KCNIP4: variants seen among roughly 807,000 people sequenced by gnomAD.
KCNIP4 encodes potassium voltage-gated channel interacting protein 4.
In KCNIP4, 12 loss-of-function variants were observed where a neutral mutation model predicts 34.0. That is an observed-to-expected ratio of 0.35 (90% confidence interval 0.23 to 0.57). The LOEUF (loss-of-function observed/expected upper bound fraction) is 0.57. Among genes scored for constraint, KCNIP4 ranks in the 20% least tolerant of loss-of-function variants. The pLI is 0.83. For synonymous variants in KCNIP4, 124 were observed against 102.2 expected (o/e 1.21, Z -1.29); for missense variants, 238 against 311.7 (o/e 0.76, Z 1.78).
At chr4:21,682,811 C>T (rs1414897610) in intron 1 of KCNIP4, among the ~76,000 whole-genome samples, 2 of 152,168 alleles carry the variant, frequency 1.3e-5, no homozygotes, top group African/African-American at 2.4e-5. Flanking sequence ...GCAGTCAGAA[C>T]ACACACAACA....
intron 1 of KCNIP4, among the ~76,000 whole-genome samples, chr4:21,491,209 C>T (rs1031247145): frequency 3.2e-4 from 49 of 151,918 alleles, no homozygotes; most frequent in Admixed American, 1.4e-3. Context: ...GGTATGGTTT[C>T]GTGAATAAAT....
chr4:21,218,136 C>T lies in KCNIP4; in HGVS notation c.62-335427G>A, dbSNP rs183831224. Among the ~76,000 whole-genome samples, 665 of 151,976 alleles carry T rather than the reference C, an allele frequency of 4.4e-3. 3 individuals carry two copies. Among genetic ancestry groups the T allele is most frequent in the African/African-American group, 0.016 (645 of 41,464 alleles). On this transcript the variant is annotated intron_variant, in intron 1 of 8. Transcript: ENST00000382152. The stretch of plus-strand genomic sequence containing the variant: ...GTTCAAGTGATTCTCCTGCCTCAGT[C>T]TCCCGAGTAGCTGGAATTACAGGCA...
At chr4:21,453,661 A>T (rs1167496639) in intron 1 of KCNIP4, among the ~76,000 whole-genome samples, 1 of 152,026 alleles carries the variant, frequency 6.6e-6, no homozygotes, top group African/African-American at 2.4e-5. Context: ...GGGCACTGAG[A>T]CCCCAAAGAA....
chr4:21,106,778 A>G (rs1227635412), intron 1 of KCNIP4, among the ~76,000 whole-genome samples: 2 of 151,198 alleles, frequency 1.3e-5, no homozygotes, highest in African/African-American at 2.5e-5. Context: ...AATGTGTCCC[A>G]GAGATTCTGG....
intron 1 of KCNIP4, among the ~76,000 whole-genome samples, chr4:21,663,816 T>C (rs573405429): frequency 6.6e-6 from 1 of 152,348 alleles, no homozygotes; most frequent in South Asian, 2.1e-4. Context: ...CAAAATCTCA[T>C]TCTCACAACA....
At chr4:21,007,973 C>A (rs1362681697) in intron 1 of KCNIP4, among the ~76,000 whole-genome samples, 2 of 152,136 alleles carry the variant, frequency 1.3e-5, no homozygotes, top group Non-Finnish European at 2.9e-5. Flanking sequence ...CCTAATGAGC[C>A]TCCCATTTCA....
chr4:21,223,819 A>T (rs1471938272), intron 1 of KCNIP4, among the ~76,000 whole-genome samples: 3 of 152,058 alleles, frequency 2.0e-5, no homozygotes, highest in Non-Finnish European at 2.9e-5. Flanking sequence ...TTGGTATCAC[A>T]GTTTTTAATT....
intron 1 of KCNIP4, among the ~76,000 whole-genome samples, chr4:21,263,979 G>A (rs1380320355): frequency 6.6e-6 from 1 of 151,896 alleles, no homozygotes; most frequent in African/African-American, 2.4e-5. Context: ...GTGTGTGTGT[G>A]TGTGTGTGTG....
chr4:21,472,382 G>A (rs969802320), intron 1 of KCNIP4, among the ~76,000 whole-genome samples: 1 of 152,088 alleles, frequency 6.6e-6, no homozygotes. Flanking sequence ...AGTCCCCCCA[G>A]AGTGCTCACA....
At chr4:20,835,772 C>T (rs1718968103) in intron 3 of KCNIP4, among the ~76,000 whole-genome samples, 2 of 152,048 alleles carry the variant, frequency 1.3e-5, no homozygotes. Flanking sequence ...TCTCACTCAA[C>T]AATTTCCCCC....
intron 1 of KCNIP4, among the ~76,000 whole-genome samples, chr4:21,778,752 C>T (rs758947097): frequency 6.6e-6 from 1 of 152,032 alleles, no homozygotes; most frequent in Non-Finnish European, 1.5e-5. Flanking sequence ...TGATATGATA[C>T]AAGTATACTC....
intron 1 of KCNIP4, among the ~76,000 whole-genome samples, chr4:21,585,226 T>C (rs1334413700): frequency 6.6e-6 from 1 of 152,018 alleles, no homozygotes; most frequent in Non-Finnish European, 1.5e-5. Context: ...ATCCTCTGCA[T>C]GAGGATACTG....
chr4:21,759,598 A>AC (rs1207116185), intron 1 of KCNIP4, among the ~76,000 whole-genome samples: 2 of 152,088 alleles, frequency 1.3e-5, no homozygotes, highest in Admixed American at 6.6e-5. Flanking sequence ...TATGTCTTTG[A>AC]CCCTGAGATC....
chr4:21,315,709 G>C (rs1004828385), intron 1 of KCNIP4, among the ~76,000 whole-genome samples: 4 of 152,114 alleles, frequency 2.6e-5, no homozygotes, highest in Non-Finnish European at 5.9e-5. Flanking sequence ...CCAGAATCTA[G>C]GGCCATGTCT....
chr4:21,220,668 T>C (rs1757926779), intron 1 of KCNIP4, among the ~76,000 whole-genome samples: 1 of 152,144 alleles, frequency 6.6e-6, no homozygotes, highest in Non-Finnish European at 1.5e-5. Context: ...GAGCCTAGAA[T>C]TCCCAGAGGT....
At chr4:21,347,038 A>C (rs1717504464) in intron 1 of KCNIP4, among the ~76,000 whole-genome samples, 1 of 152,180 alleles carries the variant, frequency 6.6e-6, no homozygotes, top group East Asian at 1.9e-4. Flanking sequence ...AGTTAGAAAC[A>C]CATGGATTAA....
chr4:21,645,522 T>G (rs1340055606), intron 1 of KCNIP4, among the ~76,000 whole-genome samples: 1 of 152,182 alleles, frequency 6.6e-6, no homozygotes. Context: ...TTACAAAACC[T>G]TGAAATACTT....
intron 1 of KCNIP4, among the ~76,000 whole-genome samples, chr4:21,493,524 C>T (rs147357035): frequency 6.6e-6 from 1 of 152,308 alleles, no homozygotes; most frequent in Non-Finnish European, 1.5e-5. Context: ...CTCCTACAAA[C>T]ATTTTTAAGG....
chr4:21,029,224 A>T (rs1030322558), intron 1 of KCNIP4, among the ~76,000 whole-genome samples: 2 of 152,196 alleles, frequency 1.3e-5, no homozygotes, highest in Non-Finnish European at 2.9e-5. Flanking sequence ...TGAAGACAGT[A>T]TAGAGACACT....
Sources: allele counts gnomAD v4.1 joint callset (sites outside exome capture counted in the v4.1 genomes callset), GRCh38; gene constraint gnomAD v4.1.1; transcripts MANE v1.5; gene names NCBI Gene and HGNC (gene_info 2026-07-23, HGNC 2026-07-21).